Variants in RAB27B observed in about 807,000 individuals in gnomAD.
RAB27B encodes the protein RAB27B, member RAS oncogene family, also known as ras-related protein Rab-27B.
Under a neutral mutation model 24.6 loss-of-function variants are expected in RAB27B, and 15 were observed. The observed-to-expected ratio is 0.61, with a 90% CI of 0.41 to 0.94. The LOEUF (loss-of-function observed/expected upper bound fraction) is 0.94. Ranked by LOEUF, RAB27B falls within the 40% of genes least tolerant of loss-of-function variation. The probability of loss-of-function intolerance (pLI) is 0.00; values close to 1 mark genes in which losing one functional copy is unlikely to be tolerated. For missense variants in RAB27B, 261 were observed against 266.8 expected (o/e 0.98, Z 0.15); for synonymous variants, 105 against 92.5 (o/e 1.14, Z -0.78).
chr18:54,870,157 A>G (rs1165172998), intron 1 of RAB27B, among the ~76,000 whole-genome samples: 2 of 152,200 alleles, frequency 1.3e-5, no homozygotes, highest in Admixed American at 1.3e-4. Flanking sequence ...TGTTTCAAAA[A>G]CAAGACAAAT....
intron 2 of RAB27B, among the ~76,000 whole-genome samples, chr18:54,779,137 G>T (rs558056617): frequency 4.2e-4 from 64 of 152,104 alleles, no homozygotes; most frequent in African/African-American, 1.4e-3. Context: ...CGTACCTGGC[G>T]CAGTTAAGTC....
intron 1 of RAB27B, among the ~76,000 whole-genome samples, chr18:54,846,815 A>T (rs1911358837): frequency 6.6e-6 from 1 of 152,234 alleles, no homozygotes; most frequent in Non-Finnish European, 1.5e-5. Context: ...TAGTTTTATA[A>T]ATAAAATAGA....
chr18:54,719,984 G>A (rs1200701489), intron 2 of RAB27B, among the ~76,000 whole-genome samples: 1 of 151,932 alleles, frequency 6.6e-6, no homozygotes, highest in African/African-American at 2.4e-5. Flanking sequence ...ATGATGATAG[G>A]GGAAAAAGTC....
At chr18:54,810,196 A>C (rs1909919263) in intron 2 of RAB27B, among the ~76,000 whole-genome samples, 1 of 152,178 alleles carries the variant, frequency 6.6e-6, no homozygotes, top group African/African-American at 2.4e-5. Flanking sequence ...ATTTATGCCT[A>C]CTTTTGTGTG....
intron 2 of RAB27B, among the ~76,000 whole-genome samples, chr18:54,718,532 T>C (rs1311467741): frequency 6.6e-6 from 1 of 152,230 alleles, no homozygotes; most frequent in East Asian, 1.9e-4. Flanking sequence ...CAAATACTCC[T>C]ATCATAGATG....
intron 2 of RAB27B, among the ~76,000 whole-genome samples, chr18:54,728,388 G>A (rs1409558452): frequency 6.6e-6 from 1 of 152,136 alleles, no homozygotes; most frequent in African/African-American, 2.4e-5. Context: ...CAGCTAGAAA[G>A]ACAATCTCAG....
chr18:54,786,482 T>G (rs1398445080), intron 2 of RAB27B, among the ~76,000 whole-genome samples: 2 of 152,234 alleles, frequency 1.3e-5, no homozygotes, highest in Admixed American at 1.3e-4. Flanking sequence ...AGGACACAGC[T>G]GTCTGAAAAG....
rs141194631 is a variant in RAB27B, at chr18:54,815,158, C to T, written c.-19-62409C>T. On this transcript the variant is annotated intron_variant, in intron 2 of 4. Transcript: ENST00000586570. ...CCTCCCAACAACAAATTTTGCCTCCCTGGGGCAATATTTTTCTCATTGAAA... is the reference window on the plus strand; with the variant it reads ...CCTCCCAACAACAAATTTTGCCTCCTTGGGGCAATATTTTTCTCATTGAAA... 7.2e-5 allele frequency among the ~76,000 whole-genome samples: 11 copies of T among 152,220 alleles called. No individual in the cohort carries two copies. In the East Asian group the frequency reaches 2.1e-3, roughly 29 times the overall value.
At chr18:54,723,131 A>G (rs950204198) in intron 2 of RAB27B, among the ~76,000 whole-genome samples, 1 of 152,216 alleles carries the variant, frequency 6.6e-6, no homozygotes, top group Non-Finnish European at 1.5e-5. Flanking sequence ...GTTCAGGCTA[A>G]AATGTGTCCT....
intron 1 of RAB27B, among the ~76,000 whole-genome samples, chr18:54,861,051 G>T (rs955559524): frequency 6.6e-6 from 1 of 151,992 alleles, no homozygotes; most frequent in African/African-American, 2.4e-5. Flanking sequence ...ATAGATATTT[G>T]CCTATGAACC....
chr18:54,803,700 G>A (rs1909680715), intron 2 of RAB27B, among the ~76,000 whole-genome samples: 2 of 152,168 alleles, frequency 1.3e-5, no homozygotes, highest in Non-Finnish European at 2.9e-5. Context: ...GGAGTTAGGT[G>A]GTTCTGCTGG....
rs1913349810 is a variant in RAB27B at position 54,891,076 on chromosome 18, CTG to C, written c.*1666_*1667del. The C allele has an allele frequency of 6.6e-6, 1 of 151,558 alleles. No homozygotes were observed. Among genetic ancestry groups the C allele is most frequent in the South Asian group, 2.1e-4 (1 of 4,758 alleles). 9.4% of individuals were successfully genotyped at this position (151,558 alleles called of 1,614,324 possible). A position where few individuals can be genotyped will look rare whatever the true frequency, so the allele number is the denominator to read the frequency against. On this transcript the variant is annotated 3_prime_UTR_variant, in exon 6 of 6. Transcript: ENST00000262094. ...CAATCAAACCTACTTTTTCCATACT[CTG>C]TGCATATTTTTTGTGAAGTTATACA...
At chr18:54,729,822 G>A (rs2144989013) in intron 2 of RAB27B, among the ~76,000 whole-genome samples, 1 of 152,120 alleles carries the variant, frequency 6.6e-6, no homozygotes, top group South Asian at 2.1e-4. Context: ...CCACTTATGT[G>A]CTTCTTATAA....
chr18:54,841,922 A>G (rs1383695112), intron 1 of RAB27B, among the ~76,000 whole-genome samples: 3 of 152,182 alleles, frequency 2.0e-5, no homozygotes. Context: ...ATGGCTCACA[A>G]TTAAGGATTT....
intron 2 of RAB27B, among the ~76,000 whole-genome samples, chr18:54,724,462 G>T (rs1340758481): frequency 2.0e-5 from 3 of 151,454 alleles, no homozygotes; most frequent in Non-Finnish European, 4.4e-5. Context: ...CGTGGCTCAT[G>T]CCTGTAATCC....
intron 2 of RAB27B, among the ~76,000 whole-genome samples, chr18:54,744,585 G>T: frequency 6.6e-6 from 1 of 152,202 alleles, no homozygotes; most frequent in South Asian, 2.1e-4. Flanking sequence ...TGATCATTAC[G>T]TATACATTGT....
At chr18:54,888,616 TAA>T (rs893902941) in intron 5 of RAB27B, among the ~76,000 whole-genome samples, 1 of 145,710 alleles carries the variant, frequency 6.9e-6, no homozygotes. Context: ...AATGGCAGCT[TAA>T]AAAAAAAAAC....
chr18:54,876,593 G>A (rs1912713141), intron 1 of RAB27B, among the ~76,000 whole-genome samples: 2 of 151,686 alleles, frequency 1.3e-5, no homozygotes, highest in Admixed American at 6.6e-5. Flanking sequence ...CTCAGGAGTG[G>A]AGATTTCACC....
In RAB27B at chr18:54,887,094, C is replaced by T. The variant is rs183829400; in HGVS notation, c.344-901C>T. The stretch of plus-strand genomic sequence containing the variant: ...TCCTCTTTCTCTCTCTCTCCTCCCC[C>T]CTCCGCCCACACATAGTGTTTTTTG... On this transcript the variant is annotated intron_variant, in intron 4 of 5. Transcript: ENST00000262094. Among the ~76,000 whole-genome samples, 188 of 142,376 alleles carry T rather than the reference C, an allele frequency of 1.3e-3. 2 individuals are homozygous for T. The highest frequency in any genetic ancestry group is 4.7e-3 in the African/African-American group (179 of 38,440). 93.4% of individuals were successfully genotyped at this position (142,376 alleles called of 152,430 possible). A position where few individuals can be genotyped will look rare whatever the true frequency, so the allele number is the denominator to read the frequency against.
Sources: gnomAD v4.1 joint callset for allele counts (sites outside exome capture counted in the v4.1 genomes callset) on GRCh38, gnomAD v4.1.1 for gene constraint, MANE v1.5 for transcripts, NCBI Gene and HGNC (gene_info 2026-07-23, HGNC 2026-07-21) for gene names.